The following IMPA2 variants were observed in gnomAD, a reference collection of about 807,000 sequenced individuals.
IMPA2 encodes IMP 2.
A neutral mutation model predicts 35.1 loss-of-function variants in IMPA2; 32 were observed. That is an observed-to-expected ratio of 0.91 (90% CI 0.69 to 1.23). IMPA2 has a LOEUF of 1.23. Among genes scored for constraint, IMPA2 ranks in the 50% most tolerant of loss-of-function variants. The pLI is 0.00. For synonymous variants in IMPA2, 135 were observed against 160.6 expected, an observed-to-expected ratio of 0.84 and a Z score of 1.20; for missense variants, 334 against 387.6, an observed-to-expected ratio of 0.86 and a Z score of 1.16.
chr18:12,025,810 T>C (rs1907866994), intron 5 of IMPA2, among the ~76,000 whole-genome samples: 1 of 152,068 alleles, frequency 6.6e-6, no homozygotes, highest in African/African-American at 2.4e-5. Flanking sequence ...AAACTCCTGA[T>C]CCTCCCGCCT....
Position 12,014,344 on chromosome 18 carries a change from G to C in IMPA2, c.461G>C (p.Gly154Ala). ...CGGGGTCGGGGCGCCTTCTGCAATGGCCAGCGGCTCCGGGTCTCCGGGGAG... is the reference window on the plus strand; with the variant it reads ...CGGGGTCGGGGCGCCTTCTGCAATGCCCAGCGGCTCCGGGTCTCCGGGGAG... ...GRRGRGAFCNGQRLRVSGETD... is the reference protein window; with the variant it reads ...GRRGRGAFCNAQRLRVSGETD... Residue 154 changes from glycine (G) to alanine (A), a missense_variant, in exon 5 of 8, where the codon GGC becomes GCC. By Grantham distance (60) the Gly-to-Ala change is moderately conservative. Coordinates refer to ENST00000269159, the MANE Select transcript of IMPA2 (RefSeq NM_014214.3). 1 of 1,603,918 alleles carries C rather than the reference G, an allele frequency of 6.2e-7. No homozygotes were observed. The highest frequency in any genetic ancestry group is 8.5e-7 in the Non-Finnish European group (1 of 1,174,928).
At chr18:11,997,784 G>A (rs991364727) in intron 1 of IMPA2, among the ~76,000 whole-genome samples, 16 of 152,242 alleles carry the variant, frequency 1.1e-4, no homozygotes, top group Non-Finnish European at 2.2e-4. Context: ...CTGGGATGTA[G>A]CTAGTTTAGG....
chr18:12,002,808 C>T (rs1321777093), intron 2 of IMPA2, among the ~76,000 whole-genome samples: 1 of 150,576 alleles, frequency 6.6e-6, no homozygotes, highest in African/African-American at 2.4e-5. Context: ...CCCTTGCAGA[C>T]TGTTGGTGAG....
intron 1 of IMPA2, chr18:11,994,749 A>T (rs1906912627): frequency 6.6e-6 from 1 of 152,476 alleles, no homozygotes. Context: ...AGGGTGCACC[A>T]TGGCCTGTTG....
intron 5 of IMPA2, among the ~76,000 whole-genome samples, chr18:12,026,322 C>T (rs1354365563): frequency 3.3e-5 from 5 of 152,172 alleles, no homozygotes; most frequent in African/African-American, 7.2e-5. Flanking sequence ...CGTGAGCCAT[C>T]GCGCCCGACC....
intron 5 of IMPA2, among the ~76,000 whole-genome samples, chr18:12,018,651 A>T (rs894183393): frequency 4.6e-5 from 7 of 152,214 alleles, no homozygotes; most frequent in Admixed American, 3.9e-4. Context: ...CGTGAATAAT[A>T]TATTTTTATG....
At chr18:11,992,356 C>T (rs574754618) in intron 1 of IMPA2, among the ~76,000 whole-genome samples, 10 of 152,340 alleles carry the variant, frequency 6.6e-5, no homozygotes, top group South Asian at 6.2e-4. Flanking sequence ...GGCAAGGCTC[C>T]GGCGTGCTGC....
chr18:12,010,646 C>T lies in IMPA2; in HGVS notation c.335+659C>T, dbSNP rs531972132. ...AGAGCATGATGTGGCTTAAACGGAG[C>T]GTGGTTCTCCAGCTCTGGAGAACCC... On this transcript the variant is annotated intron_variant, in intron 3 of 7. Coordinates refer to ENST00000269159, the MANE Select transcript of IMPA2 (RefSeq NM_014214.3). This position sits in a 1 kb window ranked among gnomAD's most constrained non-coding sequence, Gnocchi z 4.8. Among the ~76,000 whole-genome samples the T allele has an allele frequency of 8.5e-5, 13 of 152,288 alleles. No homozygotes were observed. Among genetic ancestry groups the T allele is most frequent in the African/African-American group, 1.9e-4 (8 of 41,560 alleles).
At chr18:12,024,366 C>A (rs901878727) in intron 5 of IMPA2, among the ~76,000 whole-genome samples, 1 of 151,536 alleles carries the variant, frequency 6.6e-6, no homozygotes, top group Admixed American at 6.6e-5. Context: ...CACCTGTAAT[C>A]CCCGCTACTT....
At chr18:12,000,027 T>C (rs189514138) in intron 2 of IMPA2, among the ~76,000 whole-genome samples, 124 of 152,338 alleles carry the variant, frequency 8.1e-4, no homozygotes, top group African/African-American at 3.0e-3. Context: ...AAAACTGGAA[T>C]ACCAGTTATT....
At chr18:12,015,293 G>A (rs1907547448) in intron 5 of IMPA2, among the ~76,000 whole-genome samples, 2 of 152,120 alleles carry the variant, frequency 1.3e-5, no homozygotes, top group East Asian at 1.9e-4. Context: ...CCTCCCTGCC[G>A]CCTCCCCTCT....
chr18:11,988,069 G>A lies in IMPA2; in HGVS notation c.96+6304G>A, dbSNP rs370481281. ...CGCCCAGGCTGGAGTGCAGTGGTGC[G>A]ATCTCAGCTCACTGCAACCTCCGCT... On this transcript the variant is annotated intron_variant, in intron 1 of 7. Transcript: ENST00000269159. 2.1e-5 allele frequency among the ~76,000 whole-genome samples: 3 copies of A among 141,186 alleles called. No individual in the cohort carries two copies. The East Asian group carries it at 6.6e-4, about 31-fold the overall frequency. The allele number at this position is 141,186 out of a possible 152,430, so 92.6% of individuals were successfully genotyped here. A position where few individuals can be genotyped will look rare whatever the true frequency, so the allele number is the denominator to read the frequency against.
chr18:12,024,366 C>G (rs901878727), intron 5 of IMPA2, among the ~76,000 whole-genome samples: 1 of 151,536 alleles, frequency 6.6e-6, no homozygotes, highest in South Asian at 2.1e-4. Context: ...CACCTGTAAT[C>G]CCCGCTACTT....
At chr18:11,984,047 G>T (rs1270594906) in intron 1 of IMPA2, among the ~76,000 whole-genome samples, 1 of 152,142 alleles carries the variant, frequency 6.6e-6, no homozygotes, top group Non-Finnish European at 1.5e-5. Flanking sequence ...AGCTGCCCCT[G>T]AGATGGAGTC....
intron 5 of IMPA2, chr18:12,017,703 C>T (rs1419516473): frequency 5.5e-6 from 2 of 366,590 alleles, no homozygotes; most frequent in East Asian, 1.1e-4. Context: ...ATTCTCCTGC[C>T]TCATCCTCCT....
In IMPA2 at chr18:12,011,990, C is replaced by T. The variant is rs535574358; in HGVS notation, c.336-180C>T. Among the ~76,000 whole-genome samples the T allele has an allele frequency of 2.6e-5, 4 of 152,358 alleles. No homozygotes were observed. In the East Asian group the frequency reaches 7.7e-4, roughly 29 times the overall value. On this transcript the variant is annotated intron_variant, in intron 3 of 7. Transcript: ENST00000269159. ...AAGGTTAACTGTCTTACGACATGGT[C>T]AGTTTATTCTGTTTGTCTTGGAAGC...
intron 2 of IMPA2, chr18:12,008,193 A>G: frequency 2.4e-6 from 1 of 410,866 alleles, no homozygotes; most frequent in South Asian, 1.8e-5. Context: ...ACAGGGTTTC[A>G]CCATGCTGGC....
intron 5 of IMPA2, among the ~76,000 whole-genome samples, chr18:12,022,941 A>ATTTTT (rs35737614): frequency 1.3e-4 from 11 of 81,698 alleles, no homozygotes; most frequent in South Asian, 5.7e-4. Context: ...CGCCTGCCTA[A>ATTTTT]TTTTTTTTTT....
intron 7 of IMPA2, 115 bp downstream of exon 7, chr18:12,029,108 GTTTTTTTTTTTTT>G (rs1158665365): frequency 1.5e-5 from 4 of 267,312 alleles, no homozygotes; most frequent in Non-Finnish European, 1.9e-5. Flanking sequence ...CAGAGTTTCT[GTTTTTTTTTTTTT>G]TTTTTTTTTT....
Sources: allele counts gnomAD v4.1 joint callset (sites outside exome capture counted in the v4.1 genomes callset), GRCh38; gene constraint gnomAD v4.1.1; non-coding constraint Gnocchi (gnomAD v3.1); transcripts MANE v1.5; gene names NCBI Gene and HGNC (gene_info 2026-07-23, HGNC 2026-07-21).